Variants in FRMPD1 observed in about 807,000 individuals in gnomAD.
FRMPD1 encodes the protein FERM and PDZ domain containing 1.
A neutral mutation model predicts 117.8 loss-of-function variants in FRMPD1; 76 were observed. The observed-to-expected ratio is 0.65, with a 90% CI of 0.54 to 0.78. FRMPD1 has a LOEUF of 0.78. Among genes scored for constraint, FRMPD1 ranks in the 30% least tolerant of loss-of-function variants. The pLI is 0.00. For missense variants in FRMPD1, 1,786 were observed against 1,964.5 expected (o/e 0.91, Z 1.72); for synonymous variants, 783 against 770.4 (o/e 1.02, Z -0.27).
chr9:37,745,751 C>T lies in FRMPD1; in HGVS notation c.3719C>T (p.Ala1240Val), dbSNP rs1222849387. 1 of 1,614,204 alleles carries T rather than the reference C, an allele frequency of 6.2e-7. No homozygotes were observed. The highest frequency in any genetic ancestry group is 1.1e-5 in the South Asian group (1 of 91,088). ...APNHVTGQDI[A>V]PRDSPEWVCF... ...AACCATGTGACAGGGCAAGATATAG[C>T]CCCTAGGGACAGCCCTGAGTGGGTC... The change falls in exon 16 of 16, where the codon GCC (alanine) becomes GTC (valine). Residue 1240 changes from alanine to valine, a missense_variant. Ala to Val is a moderately conservative substitution (Grantham distance 64, BLOSUM62 0). Transcript: ENST00000377765.
In FRMPD1 at chr9:37,740,256, C is replaced by T. The variant is rs778039804; in HGVS notation, c.1728C>T (p.Cys576=). 1.4e-5 allele frequency: 23 copies of T among 1,613,620 alleles called. No homozygotes were observed. The highest frequency in any genetic ancestry group is 4.5e-5 in the East Asian group (2 of 44,892). The change falls in exon 15 of 16, where the codon TGC becomes TGT. Residue 576 remains cysteine (C), a synonymous_variant. Coordinates refer to ENST00000377765, the MANE Select transcript of FRMPD1 (RefSeq NM_014907.3). The surrounding 1 kb of genome is among the most constrained non-coding windows in gnomAD (Gnocchi z 4.2). ...PEVARRGPST[C]GASSTTDSAE... ...TGGCTAGGAGGGGCCCCAGCACCTG[C>T]GGGGCCAGCAGCACGACAGACAGTG... is the stretch of plus-strand genomic sequence containing the variant.
At chr9:37,695,852 G>A (rs1472291283) in intron 2 of FRMPD1, among the ~76,000 whole-genome samples, 2 of 152,018 alleles carry the variant, frequency 1.3e-5, no homozygotes, top group East Asian at 1.9e-4. Flanking sequence ...TCTCTACTCT[G>A]CAGCTATAGT....
chr9:37,629,800 C>T, the FRMPD1 span, among the ~76,000 whole-genome samples: 1 of 152,212 alleles, frequency 6.6e-6, no homozygotes, highest in African/African-American at 2.4e-5. Flanking sequence ...TTCCTCCTGG[C>T]TTCTCTTTGA....
intron 1 of FRMPD1, among the ~76,000 whole-genome samples, chr9:37,679,324 C>G (rs560742139): frequency 1.1e-4 from 16 of 152,166 alleles, no homozygotes; most frequent in Non-Finnish European, 1.8e-4. Flanking sequence ...CATCACTTTT[C>G]TTTTTCTCCT....
intron 1 of FRMPD1, among the ~76,000 whole-genome samples, chr9:37,663,054 A>G (rs1279963241): frequency 1.3e-5 from 2 of 152,154 alleles, no homozygotes; most frequent in African/African-American, 2.4e-5. Flanking sequence ...AGTCTGCCCA[A>G]TTTAATTTGT....
At chr9:37,647,293 A>G (rs944684129), upstream of FRMPD1, among the ~76,000 whole-genome samples, 1 of 152,022 alleles carries the variant, frequency 6.6e-6, no homozygotes, top group Non-Finnish European at 1.5e-5. Flanking sequence ...GCGGATCACA[A>G]GGTCAGGAGA....
intron 2 of FRMPD1, among the ~76,000 whole-genome samples, chr9:37,706,256 G>A (rs1488285936): frequency 6.6e-6 from 1 of 152,064 alleles, no homozygotes; most frequent in African/African-American, 2.4e-5. Context: ...TTGGACTTGT[G>A]CTTGTCACTT....
Position 37,745,819 on chromosome 9 carries a change from C to G in FRMPD1, c.3787C>G (p.Pro1263Ala), listed in dbSNP as rs1266786224. 1 of 1,614,054 alleles carries G rather than the reference C, an allele frequency of 6.2e-7. No individual in the cohort carries two copies. Among genetic ancestry groups the G allele is most frequent in the East Asian group, 2.2e-5 (1 of 44,886 alleles). The change falls in exon 16 of 16, where the codon CCA becomes GCA. Residue 1263 changes from proline (P) to alanine (A), a missense_variant. Physicochemically the swap from Pro to Ala is conservative, Grantham distance 27 (BLOSUM62 -1). Transcript: ENST00000377765. ...EPSLPEPLPC[P>A]QEDPHLETSN... ...TTCCCTGCCAGAACCACTACCATGTCCACAAGAGGATCCTCACTTAGAAAC... is the reference window on the plus strand; with the variant it reads ...TTCCCTGCCAGAACCACTACCATGTGCACAAGAGGATCCTCACTTAGAAAC...
At chr9:37,664,336 C>T (rs866879721) in intron 1 of FRMPD1, among the ~76,000 whole-genome samples, 2 of 151,290 alleles carry the variant, frequency 1.3e-5, no homozygotes, top group East Asian at 1.9e-4. Flanking sequence ...CTTTAAGTTC[C>T]GGGATACATG....
chr9:37,622,834 T>C, the FRMPD1 span, among the ~76,000 whole-genome samples: 3 of 151,994 alleles, frequency 2.0e-5, no homozygotes, highest in African/African-American at 7.3e-5. Flanking sequence ...AAAAGTAGGA[T>C]ATTTCAAAGC....
At chr9:37,637,097 C>T in the FRMPD1 span, 1 of 1,580,974 alleles carries the variant, frequency 6.3e-7, no homozygotes, top group Non-Finnish European at 8.7e-7. Context: ...CCGTTCCTGG[C>T]CCGCCGTGTC....
In FRMPD1 at chr9:37,739,323, G is replaced by A. The variant is rs111858989; in HGVS notation, c.1550-755G>A. On this transcript the variant is annotated intron_variant, in intron 14 of 15. Transcript: ENST00000377765. ...TCTGTAACTGTTGTGGGGGAGGCCA[G>A]GCTCTTCCCCGTAAGCAGGGCAGCC... Among the ~76,000 whole-genome samples, 738 of 152,290 alleles carry A rather than the reference G, an allele frequency of 4.8e-3. 7 individuals carry two copies. Among genetic ancestry groups the A allele is most frequent in the African/African-American group, 0.017 (694 of 41,548 alleles).
intron 1 of FRMPD1, among the ~76,000 whole-genome samples, chr9:37,689,219 A>G (rs752627650): frequency 8.5e-5 from 13 of 152,078 alleles, no homozygotes; most frequent in Non-Finnish European, 1.8e-4. Flanking sequence ...TCCCTTCACC[A>G]TATCGTTCCA....
rs1822908740 is a variant in FRMPD1, at chr9:37,711,456, C to A, written c.408+61C>A. 3.3e-6 allele frequency: 4 copies of A among 1,229,570 alleles called. No homozygotes were observed. In the African/African-American group the frequency reaches 4.4e-5, roughly 14 times the overall value. 76.2% of individuals were successfully genotyped at this position (1,229,570 alleles called of 1,614,324 possible). A position where few individuals can be genotyped will look rare whatever the true frequency, so the allele number is the denominator to read the frequency against. On this transcript the variant is annotated intron_variant, in intron 5 of 15. Transcript: ENST00000377765. Reference sequence around the variant, plus strand: ...CCATTCTTGGCCCTAAGACCCTGTTCCCCCAGAGGATATCCCTCATAAAGT... The same window carrying A: ...CCATTCTTGGCCCTAAGACCCTGTTACCCCAGAGGATATCCCTCATAAAGT...
At chr9:37,604,836 G>A in the FRMPD1 span, among the ~76,000 whole-genome samples, 4 of 152,194 alleles carry the variant, frequency 2.6e-5, no homozygotes, top group South Asian at 4.1e-4. Flanking sequence ...CATTAGGGCC[G>A]CAGGAAGAGG....
intron 1 of FRMPD1, among the ~76,000 whole-genome samples, chr9:37,671,849 C>T (rs1224716448): frequency 6.6e-6 from 1 of 152,108 alleles, no homozygotes; most frequent in African/African-American, 2.4e-5. Flanking sequence ...ATCTGTAATC[C>T]CAGCTACTCA....
chr9:37,631,274 C>T, the FRMPD1 span, among the ~76,000 whole-genome samples: 1 of 151,980 alleles, frequency 6.6e-6, no homozygotes, highest in Non-Finnish European at 1.5e-5. Context: ...TTAGAGTATC[C>T]CTACAATGGG....
intron 13 of FRMPD1, 145 bp from the exon 14 acceptor site, chr9:37,736,951 G>A (rs1240562754): frequency 4.6e-6 from 3 of 654,608 alleles, no homozygotes; most frequent in Non-Finnish European, 8.2e-6. Context: ...CCTTGCAAGT[G>A]AGGATATGGG....
chr9:37,665,933 C>T lies in FRMPD1; in HGVS notation c.-5+14839C>T, dbSNP rs1050550752. ...ATCTGGCATCACCTTATCCTGTGGA[C>T]GTAACATTAGTCTGCAGAAAAAGAG... On this transcript the variant is annotated intron_variant, in intron 1 of 15. Transcript: ENST00000377765. Among the ~76,000 whole-genome samples, 8 of 152,194 alleles carry T rather than the reference C, an allele frequency of 5.3e-5. No individual in the cohort carries two copies. The South Asian group carries it at 1.2e-3, about 24-fold the overall frequency.
Sources: allele counts gnomAD v4.1 joint callset (sites outside exome capture counted in the v4.1 genomes callset), GRCh38; gene constraint gnomAD v4.1.1; non-coding constraint Gnocchi (gnomAD v3.1); transcripts MANE v1.5; gene names NCBI Gene and HGNC (gene_info 2026-07-23, HGNC 2026-07-21).